Variants in GTF2IRD1 observed in about 807,000 individuals in gnomAD.
GTF2IRD1 encodes GTF2I repeat domain containing 1, also known as general transcription factor II-I repeat domain-containing protein 1.
In GTF2IRD1, 26 loss-of-function variants were observed where a neutral mutation model predicts 113.2. The ratio of observed to expected loss-of-function variants is 0.23; its 90% CI spans 0.17 to 0.32. GTF2IRD1 has a LOEUF of 0.32. Ranked by LOEUF, GTF2IRD1 falls within the 10% of genes least tolerant of loss-of-function variation. GTF2IRD1 has a pLI of 1.00. For synonymous variants in GTF2IRD1, 484 were observed against 529.1 expected, an observed-to-expected ratio of 0.91 and a Z score of 1.17; for missense variants, 864 against 1,280.8, an observed-to-expected ratio of 0.67 and a Z score of 4.97.
Position 74,572,516 on chromosome 7 carries a change from A to C in GTF2IRD1, c.2320+12861A>C, listed in dbSNP as rs58802475. The C allele has an allele frequency of 4.7e-3, 4,201 of 902,968 alleles. 153 individuals are homozygous for C. The African/African-American group carries it at 0.07, about 15-fold the overall frequency. 55.9% of individuals were successfully genotyped at this position (902,968 alleles called of 1,614,324 possible). ...AACTTACTGTCTTTGATCTTGGATG[A>C]GTTAACTGTCTTTGGGTCTCCATTT... On this transcript the variant is annotated intron_variant, in intron 22 of 26. Coordinates refer to ENST00000424337, the MANE Select transcript of GTF2IRD1 (RefSeq NM_005685.4).
At chr7:74,468,704 G>A (rs1237927154) in intron 1 of GTF2IRD1, among the ~76,000 whole-genome samples, 2 of 150,208 alleles carry the variant, frequency 1.3e-5, no homozygotes, top group South Asian at 2.1e-4. Context: ...GTGTGTGTGT[G>A]TGTGTGTGTG....
In GTF2IRD1 at chr7:74,528,746, GATGGATGGATGA is replaced by G. The variant is rs1465092653; in HGVS notation, c.1091-976_1091-965del. 1.7e-3 allele frequency among the ~76,000 whole-genome samples: 185 copies of G among 108,706 alleles called. 1 individual carries two copies. The highest frequency in any genetic ancestry group is 5.3e-3 in the African/African-American group (158 of 29,648). 71.3% of individuals were successfully genotyped at this position (108,706 alleles called of 152,430 possible). On this transcript the variant is annotated intron_variant, in intron 8 of 26. Coordinates refer to ENST00000424337, the MANE Select transcript of GTF2IRD1 (RefSeq NM_005685.4). ...GGATGGATGGATGGATGGATGGATGGATGGATGGATGAATGGATGGATGGGCAGATGGATATA... is the reference window on the plus strand; with the variant it reads ...GGATGGATGGATGGATGGATGGATGGATGGATGGATGGGCAGATGGATATA...
chr7:74,561,058 T>C (rs1799929290), intron 22 of GTF2IRD1, among the ~76,000 whole-genome samples: 1 of 151,730 alleles, frequency 6.6e-6, no homozygotes, highest in Non-Finnish European at 1.5e-5. Context: ...GGCCAGAGCC[T>C]CCAGGGCGGG....
chr7:74,535,183 TC>T, intron 10 of GTF2IRD1, 45 bp downstream of exon 10: 1 of 1,548,506 alleles, frequency 6.5e-7, no homozygotes, highest in Non-Finnish European at 8.9e-7. Context: ...CCGGATTGGT[TC>T]CCCAACAGAA....
intron 1 of GTF2IRD1, among the ~76,000 whole-genome samples, chr7:74,492,165 G>A (rs182732829): frequency 2.7e-4 from 41 of 151,404 alleles, no homozygotes; most frequent in Non-Finnish European, 3.1e-4. Context: ...TACCATTCCC[G>A]GCTAATTTTT....
At chr7:74,573,415 A>C (rs1800811080) in intron 22 of GTF2IRD1, among the ~76,000 whole-genome samples, 4 of 151,608 alleles carry the variant, frequency 2.6e-5, no homozygotes, top group Admixed American at 2.0e-4. Flanking sequence ...AAAAAAAAAA[A>C]CGATTAAAAT....
chr7:74,464,349 C>T (rs1174768793), intron 1 of GTF2IRD1, among the ~76,000 whole-genome samples: 1 of 152,178 alleles, frequency 6.6e-6, no homozygotes. Context: ...TCCCAGGGCT[C>T]TCGGCTTCCT....
intron 22 of GTF2IRD1, among the ~76,000 whole-genome samples, chr7:74,569,034 G>A (rs7810318): frequency 0.55 from 83,077 of 152,040 alleles, 23,493 homozygotes; most frequent in South Asian, 0.63. Context: ...TTCTGCAGCC[G>A]AGGTGAGACC....
At chr7:74,568,604 T>C (rs1327264477) in intron 22 of GTF2IRD1, among the ~76,000 whole-genome samples, 4 of 151,942 alleles carry the variant, frequency 2.6e-5, no homozygotes, top group Non-Finnish European at 5.9e-5. Flanking sequence ...GCCGAGATTG[T>C]GCCACTGCAC....
At chr7:74,475,413 A>T (rs1290734016) in intron 1 of GTF2IRD1, among the ~76,000 whole-genome samples, 2 of 152,222 alleles carry the variant, frequency 1.3e-5, no homozygotes, top group Non-Finnish European at 2.9e-5. Flanking sequence ...GAAGTTCTCC[A>T]GCATCACACA....
chr7:74,541,278 G>A (rs1394289482), intron 14 of GTF2IRD1, among the ~76,000 whole-genome samples: 1 of 151,628 alleles, frequency 6.6e-6, no homozygotes, highest in Non-Finnish European at 1.5e-5. Flanking sequence ...ACTGCTTGAG[G>A]CCAGGAGTTC....
At chr7:74,495,125 A>G (rs1026078785) in intron 1 of GTF2IRD1, among the ~76,000 whole-genome samples, 2 of 152,158 alleles carry the variant, frequency 1.3e-5, no homozygotes, top group Admixed American at 1.3e-4. Flanking sequence ...GGGCCCCAGA[A>G]TGGGGGTTTA....
At chr7:74,505,616 G>C (rs1430432884) in intron 1 of GTF2IRD1, among the ~76,000 whole-genome samples, 4 of 152,232 alleles carry the variant, frequency 2.6e-5, no homozygotes, top group African/African-American at 9.6e-5. Flanking sequence ...ATGGCTGTCT[G>C]GTGCCTCCTG....
intron 1 of GTF2IRD1, among the ~76,000 whole-genome samples, chr7:74,496,358 G>T (rs891089441): frequency 1.0e-4 from 15 of 149,742 alleles, no homozygotes; most frequent in African/African-American, 3.7e-4. Flanking sequence ...GTGTGTGTGG[G>T]TGCATGTGTG....
Position 74,590,805 on chromosome 7 carries a change from T to C in GTF2IRD1, c.2399-20T>C. ...TGACAGGAGACATCTTTCCTCACTG[T>C]GACTTCCTGTGCCCTCTAGGTGAGG... On this transcript the variant is annotated intron_variant, in intron 23 of 26. Transcript: ENST00000424337. 3 of 1,545,910 alleles carry C rather than the reference T, an allele frequency of 1.9e-6. No homozygotes were observed. The highest frequency in any genetic ancestry group is 2.6e-6 in the Non-Finnish European group (3 of 1,135,806).
intron 1 of GTF2IRD1, among the ~76,000 whole-genome samples, chr7:74,470,873 G>A (rs557272132): frequency 5.9e-5 from 9 of 152,126 alleles, no homozygotes; most frequent in South Asian, 2.1e-4. Flanking sequence ...GCGTGATCTC[G>A]GCTCACTGCA....
At position 74,524,118 on chromosome 7, in the gene GTF2IRD1, C is replaced by T. The variant is rs1797452560; in HGVS notation, c.1054C>T (p.Arg352Trp). ...GGAAACCGAGGACATCAACACGCTC[C>T]GGGAGTGTGTGCAGATCCTGTTTAA... is the stretch of plus-strand genomic sequence containing the variant. ...IKETEDINTL[R>W]ECVQILFNSR... is the part of the protein sequence containing the mutation. Residue 352 changes from arginine (R) to tryptophan (W), a missense_variant, in exon 8 of 27, where the codon CGG (arginine) becomes TGG (tryptophan). By Grantham distance (101) the Arg-to-Trp change is moderately radical. Around this residue, in one of 7 missense-constraint regions of GTF2IRD1, gnomAD observed 218 missense variants for 352.6 expected, o/e 0.62. Coordinates refer to ENST00000424337, the MANE Select transcript of GTF2IRD1 (RefSeq NM_005685.4). The T allele has an allele frequency of 1.2e-6, 2 of 1,612,944 alleles. No individual in the cohort carries two copies. Among genetic ancestry groups the T allele is most frequent in the Non-Finnish European group, 1.7e-6 (2 of 1,179,438 alleles).
intron 17 of GTF2IRD1, among the ~76,000 whole-genome samples, chr7:74,552,827 GTTGT>G (rs1394626856): frequency 2.6e-5 from 4 of 151,840 alleles, no homozygotes; most frequent in East Asian, 3.9e-4. Flanking sequence ...TTTTTTTGTT[GTTGT>G]TTGTTTGTTT....
chr7:74,500,283 C>G (rs10258015), intron 1 of GTF2IRD1, among the ~76,000 whole-genome samples: 1 of 152,088 alleles, frequency 6.6e-6, no homozygotes, highest in Non-Finnish European at 1.5e-5. Context: ...TGGTGCTTTT[C>G]TGAAAATTTG....
Sources: allele counts gnomAD v4.1 joint callset (sites outside exome capture counted in the v4.1 genomes callset), GRCh38; gene constraint gnomAD v4.1.1; regional missense constraint gnomAD v4.1.1; transcripts MANE v1.5; gene names NCBI Gene and HGNC (gene_info 2026-07-23, HGNC 2026-07-21).